Variants in PARD6G observed in about 807,000 individuals in gnomAD.
PARD6G encodes the protein partitioning defective 6 homolog gamma.
Under a neutral mutation model 10.7 loss-of-function variants are expected in PARD6G, and 7 were observed. That is an observed-to-expected ratio of 0.66 (90% CI 0.37 to 1.23). The LOEUF (loss-of-function observed/expected upper bound fraction) is 1.23. PARD6G is among the 50% of genes most tolerant of loss of function. The pLI, the probability that PARD6G is intolerant of heterozygous loss-of-function variation, is 0.02. For missense variants in PARD6G, 548 were observed against 571.8 expected, an observed-to-expected ratio of 0.96 and a Z score of 0.42; for synonymous variants, 287 against 269.4, an observed-to-expected ratio of 1.07 and a Z score of -0.64.
intron 1 of PARD6G, among the ~76,000 whole-genome samples, chr18:80,212,929 A>G (rs1967124197): frequency 6.6e-6 from 1 of 152,114 alleles, no homozygotes. Context: ...TCTTAAATGT[A>G]TAGCTCACAT....
intron 2 of PARD6G, chr18:80,169,728 G>A (rs1158636903): frequency 6.6e-6 from 1 of 152,180 alleles, no homozygotes; most frequent in Non-Finnish European, 1.5e-5. Context: ...TCGGTTTTAG[G>A]TCACCATGGA....
intron 1 of PARD6G, among the ~76,000 whole-genome samples, chr18:80,217,654 G>A (rs1967184105): frequency 6.6e-6 from 1 of 152,098 alleles, no homozygotes; most frequent in African/African-American, 2.4e-5. Flanking sequence ...TCTACAAAAT[G>A]TCTGAAGAGT....
At position 80,177,182 on chromosome 18, in the gene PARD6G, C is replaced by T. The variant is rs112612355; in HGVS notation, c.296-16576G>A. The stretch of plus-strand genomic sequence containing the variant: ...CCTAAATGGGAAACACACATACACA[C>T]ACACCACAGTATAAATCACAGCCTA... On this transcript the variant is annotated intron_variant, in intron 2 of 2. Transcript: ENST00000353265. 2.8e-4 allele frequency among the ~76,000 whole-genome samples: 18 copies of T among 63,304 alleles called. No individual in the cohort carries two copies. The South Asian group carries it at 6.8e-3, about 24-fold the overall frequency. The allele number at this position is 63,304 out of a possible 152,430, so 41.5% of individuals were successfully genotyped here. A position where few individuals can be genotyped will look rare whatever the true frequency, so the allele number is the denominator to read the frequency against.
At chr18:80,221,611 A>G (rs966102376) in intron 1 of PARD6G, among the ~76,000 whole-genome samples, 17 of 151,842 alleles carry the variant, frequency 1.1e-4, no homozygotes, top group African/African-American at 4.1e-4. Flanking sequence ...CTTAATGGTT[A>G]AAAGACAATG....
At position 80,160,395 on chromosome 18, in the gene PARD6G, C is replaced by T; in HGVS notation, c.507G>A (p.Pro169=). 1.2e-6 allele frequency: 2 copies of T among 1,604,222 alleles called. No individual in the cohort carries two copies. Among genetic ancestry groups the T allele is most frequent in the Non-Finnish European group, 1.7e-6 (2 of 1,176,264 alleles). Residue 169 remains proline, a synonymous_variant, in exon 3 of 3, where the codon CCG becomes CCA. Coordinates refer to ENST00000353265, the MANE Select transcript of PARD6G (RefSeq NM_032510.4). Reference sequence around the variant, plus strand: ...CGCCATCGCGGATGTAGAAGCCCAGCGGCTTCTCGCAGCCGTGCCGGTGCA... The same window carrying T: ...CGCCATCGCGGATGTAGAAGCCCAGTGGCTTCTCGCAGCCGTGCCGGTGCA... ...VRLHRHGCEK[P]LGFYIRDGAS...
chr18:80,199,470 T>C (rs779183996), intron 2 of PARD6G, among the ~76,000 whole-genome samples: 1 of 152,218 alleles, frequency 6.6e-6, no homozygotes, highest in African/African-American at 2.4e-5. Context: ...TTATGGATAT[T>C]GTGAATAATG....
intron 2 of PARD6G, among the ~76,000 whole-genome samples, chr18:80,193,005 C>T (rs1966912537): frequency 6.6e-6 from 1 of 152,136 alleles, no homozygotes; most frequent in Non-Finnish European, 1.5e-5. Flanking sequence ...CAAGACAGAA[C>T]TTGCTTCCTA....
In PARD6G at chr18:80,189,706, G is replaced by A. The variant is rs1435691987; in HGVS notation, c.295+13004C>T. 2.6e-5 allele frequency among the ~76,000 whole-genome samples: 4 copies of A among 152,016 alleles called. No individual in the cohort carries two copies. Among genetic ancestry groups the A allele is most frequent in the Non-Finnish European group, 4.4e-5 (3 of 68,014 alleles). Reference sequence around the variant, plus strand: ...CAAGCACGTCCCCTGGGAGTCCCCCGTCCGTCGTTGAGGCTGTTCTTTCAT... The same window carrying A: ...CAAGCACGTCCCCTGGGAGTCCCCCATCCGTCGTTGAGGCTGTTCTTTCAT... On this transcript the variant is annotated intron_variant, in intron 2 of 2. Coordinates refer to ENST00000353265, the MANE Select transcript of PARD6G (RefSeq NM_032510.4). This position sits in a 1 kb window ranked among gnomAD's most constrained non-coding sequence, Gnocchi z 5.5.
At chr18:80,162,889 G>A (rs953847462) in intron 2 of PARD6G, among the ~76,000 whole-genome samples, 15 of 152,236 alleles carry the variant, frequency 9.9e-5, no homozygotes, top group African/African-American at 3.4e-4. Context: ...GGCTGCTGCC[G>A]CAGGTTTGGA....
intron 2 of PARD6G, among the ~76,000 whole-genome samples, chr18:80,179,169 C>T (rs571494341): frequency 1.3e-5 from 2 of 152,086 alleles, no homozygotes; most frequent in African/African-American, 4.8e-5. Context: ...GCCAAGCCCA[C>T]GTGGTGTGGC....
At chr18:80,177,592 G>A (rs1364088500) in intron 2 of PARD6G, among the ~76,000 whole-genome samples, 1 of 144,960 alleles carries the variant, frequency 6.9e-6, no homozygotes, top group Admixed American at 6.9e-5. Context: ...ACACACACAT[G>A]CATACACACA....
chr18:80,163,257 A>G (rs2145242197), intron 2 of PARD6G, among the ~76,000 whole-genome samples: 1 of 152,324 alleles, frequency 6.6e-6, no homozygotes. Context: ...GCCCAGGAGA[A>G]GAGACTAAGG....
At chr18:80,203,405 G>A (rs1967027102) in intron 1 of PARD6G, among the ~76,000 whole-genome samples, 1 of 152,074 alleles carries the variant, frequency 6.6e-6, no homozygotes, top group Non-Finnish European at 1.5e-5. Flanking sequence ...ACAATTAAAA[G>A]CAGTAGTGAC....
In PARD6G at chr18:80,210,590, T is replaced by C. The variant is rs573646331; in HGVS notation, c.73-7658A>G. On this transcript the variant is annotated intron_variant, in intron 1 of 2. Transcript: ENST00000353265. Reference sequence around the variant, plus strand: ...GGGAAAAGCCTTGTCCCCAGGGCATTTGCTGAACACAATCAGCATCAGCTG... The same window carrying C: ...GGGAAAAGCCTTGTCCCCAGGGCATCTGCTGAACACAATCAGCATCAGCTG... Among the ~76,000 whole-genome samples, 5 of 152,302 alleles carry C rather than the reference T, an allele frequency of 3.3e-5. No individual in the cohort carries two copies. The South Asian group carries it at 6.2e-4, about 19-fold the overall frequency.
chr18:80,221,954 T>C (rs1256637141), intron 1 of PARD6G, among the ~76,000 whole-genome samples: 1 of 151,824 alleles, frequency 6.6e-6, no homozygotes, highest in African/African-American at 2.4e-5. Context: ...TTACAAAGGA[T>C]AAAACAGGAA....
chr18:80,196,912 A>G (rs985603427), intron 2 of PARD6G, among the ~76,000 whole-genome samples: 1 of 151,184 alleles, frequency 6.6e-6, no homozygotes, highest in African/African-American at 2.4e-5. Flanking sequence ...AAAAAAAAAA[A>G]AAAAAGAAAA....
chr18:80,177,245 C>CAG (rs1555734824), intron 2 of PARD6G, among the ~76,000 whole-genome samples: 1 of 147,826 alleles, frequency 6.8e-6, no homozygotes, highest in Non-Finnish European at 1.5e-5. Flanking sequence ...CACACACACA[C>CAG]AGTACAAATC....
intron 1 of PARD6G, among the ~76,000 whole-genome samples, chr18:80,225,721 A>G (rs1178919067): frequency 3.3e-5 from 5 of 152,250 alleles, no homozygotes; most frequent in Non-Finnish European, 4.4e-5. Flanking sequence ...TGTTGCCTGA[A>G]GTAGTTGGAG....
At position 80,231,688 on chromosome 18, in the gene PARD6G, T is replaced by C. The variant is rs9965632; in HGVS notation, c.72+15589A>G. Among the ~76,000 whole-genome samples the C allele has an allele frequency of 0.026, 3,908 of 152,166 alleles. 161 individuals are homozygous for C. The highest frequency in any genetic ancestry group is 0.089 in the African/African-American group (3,707 of 41,502). On this transcript the variant is annotated intron_variant, in intron 1 of 2. Coordinates refer to ENST00000353265, the MANE Select transcript of PARD6G (RefSeq NM_032510.4). This position sits in a 1 kb window ranked among gnomAD's most constrained non-coding sequence, Gnocchi z 4.2. ...CTCTAATATGAACACATGTCCTGTG[T>C]TCAATATAGGCCCTGGTGAGCGAGT...
Sources: gnomAD v4.1 joint callset for allele counts (sites outside exome capture counted in the v4.1 genomes callset) on GRCh38, gnomAD v4.1.1 for gene constraint, Gnocchi (gnomAD v3.1) non-coding constraint, MANE v1.5 for transcripts, NCBI Gene and HGNC (gene_info 2026-07-23, HGNC 2026-07-21) for gene names.